The following DLGAP4 variants were observed in gnomAD, a reference collection of about 807,000 sequenced individuals.
The protein encoded by DLGAP4 is disks large-associated protein 4.
In DLGAP4, 18 loss-of-function variants were observed where a neutral mutation model predicts 86.9. The ratio of observed to expected loss-of-function variants is 0.21; its 90% CI spans 0.14 to 0.31. DLGAP4 has a LOEUF of 0.31. DLGAP4 is among the 10% of genes least tolerant of loss of function. DLGAP4 has a pLI of 1.00. For missense variants in DLGAP4, 1,085 were observed against 1,362.6 expected, an observed-to-expected ratio of 0.80 and a Z score of 3.21; for synonymous variants, 548 against 574.3, an observed-to-expected ratio of 0.95 and a Z score of 0.65.
intron 1 of DLGAP4, among the ~76,000 whole-genome samples, chr20:36,344,706 A>G (rs192199257): frequency 5.3e-5 from 8 of 152,300 alleles, no homozygotes; most frequent in Non-Finnish European, 1.2e-4. Context: ...GGGATTTCAG[A>G]ACCTTGGACA....
intron 7 of DLGAP4, among the ~76,000 whole-genome samples, chr20:36,469,375 C>T (rs1444382314): frequency 6.6e-6 from 1 of 152,144 alleles, no homozygotes; most frequent in African/African-American, 2.4e-5. Flanking sequence ...TAGGTCTAGA[C>T]TGTTGCAGCC....
chr20:36,332,339 A>G (rs573160991), intron 1 of DLGAP4, among the ~76,000 whole-genome samples: 10 of 150,474 alleles, frequency 6.6e-5, no homozygotes, highest in Admixed American at 2.0e-4. Context: ...ACACCTGCAG[A>G]CTTTCCCTGT....
At chr20:36,396,112 G>C (rs879132132) in intron 2 of DLGAP4, among the ~76,000 whole-genome samples, 1 of 151,950 alleles carries the variant, frequency 6.6e-6, no homozygotes, top group Non-Finnish European at 1.5e-5. Context: ...GTCCACTGAG[G>C]AGGGAAGCAC....
At chr20:36,406,380 A>G (rs538097463) in intron 2 of DLGAP4, among the ~76,000 whole-genome samples, 2 of 144,120 alleles carry the variant, frequency 1.4e-5, no homozygotes, top group South Asian at 4.5e-4. Context: ...CCTGGGTGAC[A>G]GAGCGAGACT....
chr20:36,468,540 G>T (rs370348300), intron 7 of DLGAP4, among the ~76,000 whole-genome samples: 1 of 152,244 alleles, frequency 6.6e-6, no homozygotes, highest in African/African-American at 2.4e-5. Context: ...CATTCTCTCT[G>T]TGTGCAGCCC....
chr20:36,412,885 G>T (rs6073885), intron 2 of DLGAP4, among the ~76,000 whole-genome samples: 1 of 151,774 alleles, frequency 6.6e-6, no homozygotes, highest in Non-Finnish European at 1.5e-5. Context: ...TATAAAATTG[G>T]CCATTTAAAC....
intron 10 of DLGAP4, among the ~76,000 whole-genome samples, chr20:36,516,572 C>T (rs942728662): frequency 2.7e-5 from 4 of 150,134 alleles, no homozygotes; most frequent in African/African-American, 4.9e-5. Flanking sequence ...AGGCTGAGAC[C>T]GGAGAATCAC....
intron 7 of DLGAP4, among the ~76,000 whole-genome samples, chr20:36,482,223 C>T (rs1306080779): frequency 1.3e-5 from 2 of 152,304 alleles, no homozygotes; most frequent in East Asian, 1.9e-4. Context: ...CCTTTCTATT[C>T]TGGGATTCGC....
chr20:36,447,085 G>A, intron 7 of DLGAP4, 148 bp downstream of exon 7: 2 of 1,427,676 alleles, frequency 1.4e-6, no homozygotes, highest in Non-Finnish European at 1.8e-6. Context: ...AAAGCAGGAG[G>A]CCTTGGAGCT....
chr20:36,371,670 C>T (rs1174909768), intron 2 of DLGAP4, among the ~76,000 whole-genome samples: 2 of 152,312 alleles, frequency 1.3e-5, no homozygotes, highest in East Asian at 3.9e-4. Context: ...CACACCGTGG[C>T]GCCTGCTACA....
chr20:36,475,340 A>G (rs1405213296), intron 7 of DLGAP4, among the ~76,000 whole-genome samples: 1 of 152,008 alleles, frequency 6.6e-6, no homozygotes, highest in African/African-American at 2.4e-5. Context: ...CCTCCTGAGT[A>G]GCTGGGATTA....
chr20:36,317,308 CCTT>C (rs2065117567), intron 1 of DLGAP4, among the ~76,000 whole-genome samples: 1 of 24,038 alleles, frequency 4.2e-5, no homozygotes, highest in African/African-American at 1.7e-4. Context: ...TTTCTTTCTT[CCTT>C]CCTTCCTTCC....
At chr20:36,368,724 T>G (rs1255939757) in intron 2 of DLGAP4, among the ~76,000 whole-genome samples, 2 of 152,196 alleles carry the variant, frequency 1.3e-5, no homozygotes, top group Non-Finnish European at 2.9e-5. Flanking sequence ...TGCAAGGGCC[T>G]CTCCAGGGAC....
chr20:36,457,795 A>AT (rs2033917331), intron 7 of DLGAP4, among the ~76,000 whole-genome samples: 4 of 151,422 alleles, frequency 2.6e-5, no homozygotes, highest in Admixed American at 2.6e-4. Context: ...GATTACAGGC[A>AT]CACCCAGCTA....
At chr20:36,499,079 C>A in intron 8 of DLGAP4, 1 of 692,412 alleles carries the variant, frequency 1.4e-6, no homozygotes, top group Non-Finnish European at 2.4e-6. Context: ...GCGCCTCTGG[C>A]CTGCCCTCCA....
In DLGAP4 at chr20:36,436,132, G is replaced by T; in HGVS notation, c.1023G>T (p.Trp341Cys). 6.3e-7 allele frequency: 1 copy of T among 1,585,472 alleles called. No homozygotes were observed. Among genetic ancestry groups the T allele is most frequent in the South Asian group, 1.1e-5 (1 of 89,268 alleles). ...AGGTGCCCGGCGGCGGCGGCGAGTG[G>T]AGCACCACGCTGCTGTCCCCACGCG... ...YLQVPGGGGE[W>C]STTLLSPRET... Residue 341 changes from tryptophan (W) to cysteine (C), a missense_variant, in exon 4 of 13, where the codon TGG (tryptophan) becomes TGT (cysteine). Transcript: ENST00000339266.
At chr20:36,525,703 ATTCATACAGATACTTACCC>A in intron 11 of DLGAP4, 129 bp from the exon 12 acceptor site, 1 of 1,056,610 alleles carries the variant, frequency 9.5e-7, no homozygotes, top group Non-Finnish European at 1.4e-6. Flanking sequence ...GCTTAGATTC[ATTCATACAGATACTTACCC>A]AGACACTAGG....
At chr20:36,389,187 G>A (rs1217431266) in intron 2 of DLGAP4, among the ~76,000 whole-genome samples, 1 of 152,192 alleles carries the variant, frequency 6.6e-6, no homozygotes, top group African/African-American at 2.4e-5. Context: ...GGGTTTGGGA[G>A]GAGGGAGGAT....
chr20:36,505,596 G>A (rs1328895532), intron 10 of DLGAP4, among the ~76,000 whole-genome samples: 1 of 151,952 alleles, frequency 6.6e-6, no homozygotes, highest in East Asian at 1.9e-4. Flanking sequence ...TCAACATAGC[G>A]AGACCCCCAT....
Sources: allele counts gnomAD v4.1 joint callset (sites outside exome capture counted in the v4.1 genomes callset), GRCh38; gene constraint gnomAD v4.1.1; transcripts MANE v1.5; gene names NCBI Gene and HGNC (gene_info 2026-07-23, HGNC 2026-07-21).